The following FAM135A variants were observed in gnomAD, a reference collection of about 807,000 sequenced individuals.
The protein encoded by FAM135A is family with sequence similarity 135 member A, also known as protein FAM135A.
Under a neutral mutation model 146.8 loss-of-function variants are expected in FAM135A, and 79 were observed. The observed-to-expected ratio is 0.54, with a 90% CI of 0.45 to 0.65. The LOEUF (loss-of-function observed/expected upper bound fraction) is 0.65. Ranked by LOEUF, FAM135A falls within the 30% of genes least tolerant of loss-of-function variation. FAM135A has a pLI of 0.00. For missense variants in FAM135A, 1,623 were observed against 1,758.2 expected (o/e 0.92, Z 1.38); for synonymous variants, 562 against 603.6 (o/e 0.93, Z 1.01).
chr6:70,548,012 G>A (rs1349396211), intron 20 of FAM135A, among the ~76,000 whole-genome samples: 1 of 152,124 alleles, frequency 6.6e-6, no homozygotes, highest in Non-Finnish European at 1.5e-5. Flanking sequence ...AATCAAGGTA[G>A]GTGTAGAAAA....
intron 5 of FAM135A, among the ~76,000 whole-genome samples, chr6:70,469,695 T>G (rs1235649975): frequency 1.3e-5 from 2 of 151,940 alleles, no homozygotes; most frequent in Non-Finnish European, 2.9e-5. Context: ...CTATGCTGCT[T>G]CTTGATGAGA....
chr6:70,479,540 T>C (rs1279668129), intron 8 of FAM135A, among the ~76,000 whole-genome samples: 1 of 152,098 alleles, frequency 6.6e-6, no homozygotes, highest in Non-Finnish European at 1.5e-5. Context: ...CCAGCCTTTC[T>C]CTACCTATAA....
rs1797319275 is a variant in FAM135A at position 70,538,860 on chromosome 6, A to ATTATG, written c.4228+460_4228+461insTATGT. On this transcript the variant is annotated intron_variant, in intron 20 of 21. Coordinates refer to ENST00000418814, the MANE Select transcript of FAM135A (RefSeq NM_001162529.3). ...ATTATATTATATTATATTATATTAT[A>ATTATG]TGGCTAGCAAGCATTTCTGAAAGTG... Among the ~76,000 whole-genome samples, 3 of 140,298 alleles carry ATTATG rather than the reference A, an allele frequency of 2.1e-5. No individual in the cohort carries two copies. The Admixed American group carries it at 2.2e-4, about 10-fold the overall frequency. The allele number at this position is 140,298 out of a possible 152,430, so 92.0% of individuals were successfully genotyped here. A position where few individuals can be genotyped will look rare whatever the true frequency, so the allele number is the denominator to read the frequency against.
At chr6:70,448,777 G>A (rs1406696825) in intron 4 of FAM135A, among the ~76,000 whole-genome samples, 1 of 152,208 alleles carries the variant, frequency 6.6e-6, no homozygotes, top group South Asian at 2.1e-4. Context: ...CAAAGGGATG[G>A]GCCGAAATAA....
At chr6:70,523,193 T>C (rs1029980501) in intron 13 of FAM135A, among the ~76,000 whole-genome samples, 2 of 152,170 alleles carry the variant, frequency 1.3e-5, no homozygotes, top group Admixed American at 1.3e-4. Flanking sequence ...TTCTTGGCAT[T>C]GACTTGTGCT....
At chr6:70,511,517 A>C (rs1791003931) in intron 12 of FAM135A, among the ~76,000 whole-genome samples, 2 of 151,888 alleles carry the variant, frequency 1.3e-5, no homozygotes, top group African/African-American at 4.8e-5. Flanking sequence ...CAATTTAATT[A>C]GTGTATATCT....
At chr6:70,527,317 C>G (rs960091855) in intron 15 of FAM135A, among the ~76,000 whole-genome samples, 1 of 152,042 alleles carries the variant, frequency 6.6e-6, no homozygotes, top group Non-Finnish European at 1.5e-5. Flanking sequence ...ATTCTATTGC[C>G]TCAGCCAGAC....
Position 70,463,309 on chromosome 6 carries a change from G to A in FAM135A, c.157+10738G>A, listed in dbSNP as rs991663273. Among the ~76,000 whole-genome samples, 5 of 151,614 alleles carry A rather than the reference G, an allele frequency of 3.3e-5. No homozygotes were observed. In the East Asian group the frequency reaches 9.7e-4, roughly 29 times the overall value. On this transcript the variant is annotated intron_variant, in intron 5 of 21. Transcript: ENST00000418814. ...CTGTCACCTAGGCTGGAGTGCAGTG[G>A]TGTGATCATAGTTCACTATAGCCTT...
chr6:70,424,660 G>A (rs998227450), intron 2 of FAM135A, among the ~76,000 whole-genome samples: 2 of 152,128 alleles, frequency 1.3e-5, no homozygotes, highest in Non-Finnish European at 2.9e-5. Context: ...TGGCTGCAAG[G>A]CCCCACATTT....
intron 20 of FAM135A, among the ~76,000 whole-genome samples, chr6:70,552,440 A>G (rs1283676162): frequency 6.8e-6 from 1 of 148,024 alleles, no homozygotes; most frequent in Admixed American, 6.7e-5. Flanking sequence ...AAGAGGAGGT[A>G]GTAAAGGGGG....
At chr6:70,542,746 A>G (rs559766171) in intron 20 of FAM135A, among the ~76,000 whole-genome samples, 1 of 152,018 alleles carries the variant, frequency 6.6e-6, no homozygotes, top group Non-Finnish European at 1.5e-5. Context: ...AGACATCTCA[A>G]TTTACATATC....
At chr6:70,489,652 CTA>C (rs1785482076) in intron 10 of FAM135A, among the ~76,000 whole-genome samples, 2 of 152,168 alleles carry the variant, frequency 1.3e-5, no homozygotes, top group Admixed American at 1.3e-4. Flanking sequence ...CTGGGGAACT[CTA>C]TGAAGAATAC....
chr6:70,524,133 C>T lies in FAM135A; in HGVS notation c.1258+12C>T, dbSNP rs9455141. On this transcript the variant is annotated intron_variant, in intron 14 of 21. Transcript: ENST00000418814. ...TTCAGTTACTGAAGGTAAGTGTAATCTAACTAAAATATACAAGCTATGTGT... is the reference window on the plus strand; with the variant it reads ...TTCAGTTACTGAAGGTAAGTGTAATTTAACTAAAATATACAAGCTATGTGT... The T allele has an allele frequency of 4.1e-3, 6,511 of 1,599,678 alleles. 231 individuals carry two copies. In the African/African-American group the frequency reaches 0.077, roughly 19 times the overall value.
chr6:70,490,057 T>C (rs1398327802), intron 10 of FAM135A, among the ~76,000 whole-genome samples: 1 of 152,202 alleles, frequency 6.6e-6, no homozygotes, highest in African/African-American at 2.4e-5. Context: ...ATAATTGTGA[T>C]TGCTTTTTTA....
intron 20 of FAM135A, among the ~76,000 whole-genome samples, chr6:70,553,700 A>G (rs546675112): frequency 6.6e-6 from 1 of 151,924 alleles, no homozygotes; most frequent in Admixed American, 6.5e-5. Flanking sequence ...TTTTTTAAAA[A>G]GAAGCAGATA....
At chr6:70,512,397 G>A (rs1479505267) in intron 12 of FAM135A, among the ~76,000 whole-genome samples, 1 of 151,604 alleles carries the variant, frequency 6.6e-6, no homozygotes, top group Non-Finnish European at 1.5e-5. Flanking sequence ...AAAATTGCTT[G>A]GTCATTGGGT....
chr6:70,418,589 T>G (rs967260925), intron 2 of FAM135A: 1 of 152,360 alleles, frequency 6.6e-6, no homozygotes, highest in Non-Finnish European at 1.5e-5. Flanking sequence ...AGTGCTGGGA[T>G]TACAGGCATG....
Position 70,533,169 on chromosome 6 carries a change from C to T in FAM135A, c.3785C>T (p.Ala1262Val), listed in dbSNP as rs1796152297. Residue 1262 changes from alanine (A) to valine (V), a missense_variant, in exon 17 of 22, where the codon GCA (alanine) becomes GTA (valine). By Grantham distance (64) the Ala-to-Val change is moderately conservative (BLOSUM62 0). Transcript: ENST00000418814. ...VCVHGLDGNS[A>V]DLRLVKTYIE... ...ATTTTTCATTTTTTAGGAAACAGTGCAGATCTCCGATTAGTAAAAACTTAC... is the reference window on the plus strand; with the variant it reads ...ATTTTTCATTTTTTAGGAAACAGTGTAGATCTCCGATTAGTAAAAACTTAC... The T allele has an allele frequency of 6.2e-7, 1 of 1,611,124 alleles. No homozygotes were observed. The highest frequency in any genetic ancestry group is 8.5e-7 in the Non-Finnish European group (1 of 1,178,336).
chr6:70,413,770 C>A (rs1766801161), intron 1 of FAM135A, 68 bp downstream of exon 1: 2 of 982,462 alleles, frequency 2.0e-6, no homozygotes, highest in Non-Finnish European at 2.4e-6. Flanking sequence ...CTCCGTCCCT[C>A]TTGCCCAGGG....
Sources: gnomAD v4.1 joint callset for allele counts (sites outside exome capture counted in the v4.1 genomes callset) on GRCh38, gnomAD v4.1.1 for gene constraint, MANE v1.5 for transcripts, NCBI Gene and HGNC (gene_info 2026-07-23, HGNC 2026-07-21) for gene names.